RAD51: variants seen among roughly 807,000 people sequenced by gnomAD.
RAD51 encodes RAD51 recombinase, also known as DNA repair protein RAD51 homolog 1.
In RAD51, 14 loss-of-function variants were observed where a neutral mutation model predicts 41.5. The observed-to-expected ratio is 0.34, with a 90% confidence interval of 0.22 to 0.53. The LOEUF is 0.53. RAD51 is among the 20% of genes least tolerant of loss of function. The pLI, the probability that RAD51 is intolerant of heterozygous loss-of-function variation, is 0.95. For synonymous variants in RAD51, 136 were observed against 148.6 expected, an observed-to-expected ratio of 0.92 and a Z score of 0.62; for missense variants, 234 against 422.0, an observed-to-expected ratio of 0.55 and a Z score of 3.90.
chr15:40,705,799 G>T (rs906194627), intron 3 of RAD51, among the ~76,000 whole-genome samples: 1 of 152,078 alleles, frequency 6.6e-6, no homozygotes, highest in African/African-American at 2.4e-5. Flanking sequence ...GTAGAGATGG[G>T]GTTTCACCAT....
At chr15:40,730,591 G>C (rs780277924) in intron 9 of RAD51, among the ~76,000 whole-genome samples, 1 of 140,456 alleles carries the variant, frequency 7.1e-6, no homozygotes, top group African/African-American at 2.6e-5. Flanking sequence ...GCACGATCTC[G>C]GCTCACTGCA....
chr15:40,716,635 C>A (rs1473010039), intron 5 of RAD51, among the ~76,000 whole-genome samples: 1 of 150,674 alleles, frequency 6.6e-6, no homozygotes, highest in African/African-American at 2.4e-5. Context: ...GGTGTGAGCC[C>A]CCATGCCTGG....
In RAD51 at chr15:40,726,312, C is replaced by T. The variant is rs894291841; in HGVS notation, c.531-2399C>T. On this transcript the variant is annotated intron_variant, in intron 6 of 9. Coordinates refer to ENST00000267868, the MANE Select transcript of RAD51 (RefSeq NM_002875.5). The stretch of plus-strand genomic sequence containing the variant: ...AGGCTGCCAGGCTGGAGTACAGTGG[C>T]GTGATATTGGCTCACTGCAACCTCC... Among the ~76,000 whole-genome samples, 7 of 147,838 alleles carry T rather than the reference C, an allele frequency of 4.7e-5. No homozygotes were observed. In the South Asian group the frequency reaches 1.5e-3, roughly 32 times the overall value.
chr15:40,699,246 C>T (rs1036481726), intron 2 of RAD51, among the ~76,000 whole-genome samples: 3 of 152,106 alleles, frequency 2.0e-5, no homozygotes, highest in Non-Finnish European at 4.4e-5. Context: ...CAGGTTCAAG[C>T]GATTCTCCTG....
chr15:40,703,055 T>G (rs890559072), intron 3 of RAD51, among the ~76,000 whole-genome samples: 2 of 152,200 alleles, frequency 1.3e-5, no homozygotes, highest in African/African-American at 4.8e-5. Flanking sequence ...TCTATATTCC[T>G]TGAGCTCCCA....
chr15:40,730,414 G>A (rs1896806998), intron 9 of RAD51, among the ~76,000 whole-genome samples: 1 of 151,878 alleles, frequency 6.6e-6, no homozygotes, highest in African/African-American at 2.4e-5. Context: ...TGAGGCAGGA[G>A]GATCAGTTGA....
chr15:40,701,355 TCTTTTC>T, intron 3 of RAD51, 154 bp downstream of exon 3: 1 of 876,524 alleles, frequency 1.1e-6, no homozygotes, highest in Non-Finnish European at 1.7e-6. Flanking sequence ...TCTTTTCTTT[TCTTTTC>T]TTTTTTTTTT....
Position 40,715,069 on chromosome 15 carries a change from C to G in RAD51, c.436-3736C>G, listed in dbSNP as rs1245491407. 2.2e-4 allele frequency among the ~76,000 whole-genome samples: 34 copies of G among 151,870 alleles called. 1 individual carries two copies. ...AACATAAGTACCAGTTTTAAAAGCA[C>G]ATGCCCATGCGGGCATGGTGGCTCA... On this transcript the variant is annotated intron_variant, in intron 5 of 9. Coordinates refer to ENST00000267868, the MANE Select transcript of RAD51 (RefSeq NM_002875.5).
Position 40,731,277 on chromosome 15 carries a change from T to TGCCA in RAD51, c.*101_*104dup. Reference sequence around the variant, plus strand: ...TCTACAGGCCTCTTCCTGTTGTGACTGCCAGGATAAAGCTTCCGGGAAAAC... The same window carrying TGCCA: ...TCTACAGGCCTCTTCCTGTTGTGACTGCCAGCCAGGATAAAGCTTCCGGGAAAAC... On this transcript the variant is annotated 3_prime_UTR_variant, in exon 10 of 10. Coordinates refer to ENST00000267868, the MANE Select transcript of RAD51 (RefSeq NM_002875.5). 1 of 1,536,972 alleles carries TGCCA rather than the reference T, an allele frequency of 6.5e-7. No homozygotes were observed. The highest frequency in any genetic ancestry group is 9.0e-7 in the Non-Finnish European group (1 of 1,115,386).
At chr15:40,730,944 G>T in intron 9 of RAD51, 111 bp from the exon 10 acceptor site, 6 of 1,376,018 alleles carry the variant, frequency 4.4e-6, no homozygotes, top group Middle Eastern at 2.1e-4. Flanking sequence ...CATTCCCAGG[G>T]TCCTTCTAGG....
At chr15:40,704,698 C>G (rs1383932294) in intron 3 of RAD51, among the ~76,000 whole-genome samples, 39 of 145,596 alleles carry the variant, frequency 2.7e-4, no homozygotes, top group African/African-American at 9.5e-4. Context: ...GAGATGGAAT[C>G]TCGCTGTGTC....
intron 6 of RAD51, 149 bp from the exon 7 acceptor site, chr15:40,728,561 TA>T: frequency 1.3e-6 from 1 of 769,334 alleles, no homozygotes; most frequent in Admixed American, 1.8e-5. Flanking sequence ...CTGAACTTCT[TA>T]ATAGAAAGGG....
intron 7 of RAD51, 51 bp downstream of exon 7, chr15:40,728,875 A>C: frequency 6.9e-7 from 1 of 1,447,680 alleles, no homozygotes; most frequent in Non-Finnish European, 9.7e-7. Context: ...TCCTTCCCTG[A>C]ATCTTGTAAT....
chr15:40,723,079 A>T (rs906789180), intron 6 of RAD51, among the ~76,000 whole-genome samples: 14 of 152,214 alleles, frequency 9.2e-5, no homozygotes, highest in African/African-American at 3.4e-4. Context: ...AGGATATACA[A>T]ATGGTTGATG....
At chr15:40,722,665 A>G (rs1290665336) in intron 6 of RAD51, among the ~76,000 whole-genome samples, 1 of 152,178 alleles carries the variant, frequency 6.6e-6, no homozygotes, top group East Asian at 1.9e-4. Flanking sequence ...AAAATGCTCA[A>G]TTTAATGTTA....
At chr15:40,728,937 G>A in intron 7 of RAD51, 113 bp downstream of exon 7, 1 of 924,592 alleles carries the variant, frequency 1.1e-6, no homozygotes, top group South Asian at 1.3e-5. Context: ...GGAGGTTTAA[G>A]TATAATTCCT....
intron 5 of RAD51, among the ~76,000 whole-genome samples, chr15:40,711,567 GTGA>G (rs1173974939): frequency 6.6e-6 from 1 of 152,162 alleles, no homozygotes; most frequent in Non-Finnish European, 1.5e-5. Context: ...TCACCCTAGA[GTGA>G]TCATGGAATA....
chr15:40,730,001 C>T (rs754655291), intron 9 of RAD51, 27 bp downstream of exon 9: 1 of 1,611,854 alleles, frequency 6.2e-7, no homozygotes, highest in South Asian at 1.1e-5. Context: ...ATCAGTTCTT[C>T]TTTTCGGAAT....
intron 6 of RAD51, among the ~76,000 whole-genome samples, chr15:40,724,035 A>G (rs1311018780): frequency 6.6e-6 from 1 of 152,170 alleles, no homozygotes; most frequent in Non-Finnish European, 1.5e-5. Context: ...TGAGGAGAAT[A>G]TTCTCTCTCG....
Sources: gnomAD v4.1 joint callset for allele counts (sites outside exome capture counted in the v4.1 genomes callset) on GRCh38, gnomAD v4.1.1 for gene constraint, MANE v1.5 for transcripts, NCBI Gene and HGNC (gene_info 2026-07-23, HGNC 2026-07-21) for gene names.